Variants in SGCZ observed in about 807,000 individuals in gnomAD.
SGCZ encodes sarcoglycan zeta, also known as zeta-sarcoglycan.
In SGCZ, 40 loss-of-function variants were observed where a neutral mutation model predicts 41.3. The observed-to-expected ratio is 0.97, with a 90% CI of 0.75 to 1.26. The LOEUF (loss-of-function observed/expected upper bound fraction) is 1.26. Ranked by LOEUF, SGCZ falls within the 50% of genes most tolerant of loss-of-function variation. The pLI is 0.00. For synonymous variants in SGCZ, 206 were observed against 137.5 expected (o/e 1.50, Z -3.49); for missense variants, 552 against 369.8 (o/e 1.49, Z -4.04).
At chr8:15,159,651 T>A (rs951089786) in intron 1 of SGCZ, among the ~76,000 whole-genome samples, 1 of 152,066 alleles carries the variant, frequency 6.6e-6, no homozygotes, top group African/African-American at 2.4e-5. Context: ...CTGTTGACTG[T>A]TTTTGTGAGT....
At chr8:15,080,795 T>G (rs1805716816) in intron 1 of SGCZ, among the ~76,000 whole-genome samples, 1 of 152,096 alleles carries the variant, frequency 6.6e-6, no homozygotes, top group African/African-American at 2.4e-5. Context: ...GGTTTCACCA[T>G]GTTGGCCAGG....
chr8:15,153,622 G>A (rs369048144), intron 1 of SGCZ, among the ~76,000 whole-genome samples: 4 of 151,866 alleles, frequency 2.6e-5, no homozygotes, highest in Non-Finnish European at 5.9e-5. Context: ...GTGAGCTCTC[G>A]CTCTGAGTTC....
intron 1 of SGCZ, among the ~76,000 whole-genome samples, chr8:15,171,240 A>G (rs970505962): frequency 1.3e-5 from 2 of 152,216 alleles, no homozygotes; most frequent in East Asian, 1.9e-4. Context: ...TCATCGAAGT[A>G]TATTTTAAAA....
Position 14,919,029 on chromosome 8 carries a change from C to T in SGCZ, c.39+318556G>A, listed in dbSNP as rs150904766. 1.0e-3 allele frequency among the ~76,000 whole-genome samples: 155 copies of T among 152,290 alleles called. 1 individual carries two copies. Among genetic ancestry groups the T allele is most frequent in the African/African-American group, 3.5e-3 (144 of 41,558 alleles). The stretch of plus-strand genomic sequence containing the variant: ...CTTGGATAAGACTTTACCCTTTTAT[C>T]ATGTCAGTGGAGATAATAGCAATAC... On this transcript the variant is annotated intron_variant, in intron 1 of 7. Coordinates refer to ENST00000382080, the MANE Select transcript of SGCZ (RefSeq NM_139167.4).
chr8:14,088,927 T>G lies in SGCZ; in HGVS notation c.*1516A>C, dbSNP rs960234229. Among the ~76,000 whole-genome samples, 2 of 151,958 alleles carry G rather than the reference T, an allele frequency of 1.3e-5. No individual in the cohort carries two copies. The highest frequency in any genetic ancestry group is 4.8e-5 in the African/African-American group (2 of 41,422). ...AGCCATTAATCCCCAAAAGGAAGTTTCAACACAAATGTTGATAGTGTGCAT... is the reference window on the plus strand; with the variant it reads ...AGCCATTAATCCCCAAAAGGAAGTTGCAACACAAATGTTGATAGTGTGCAT... On this transcript the variant is annotated 3_prime_UTR_variant, in exon 8 of 8. Transcript: ENST00000382080.
intron 1 of SGCZ, among the ~76,000 whole-genome samples, chr8:14,579,505 T>C (rs927602851): frequency 5.3e-5 from 8 of 152,238 alleles, no homozygotes; most frequent in Non-Finnish European, 1.5e-5. Flanking sequence ...ACTGAATGAC[T>C]TCCCTGATTC....
intron 1 of SGCZ, among the ~76,000 whole-genome samples, chr8:14,824,643 C>T (rs1301085874): frequency 2.0e-5 from 3 of 151,940 alleles, no homozygotes; most frequent in Admixed American, 1.3e-4. Flanking sequence ...TCCTGCTTGA[C>T]TAACAAAATC....
chr8:15,113,378 C>T (rs1000680691), intron 1 of SGCZ, among the ~76,000 whole-genome samples: 5 of 152,092 alleles, frequency 3.3e-5, no homozygotes, highest in African/African-American at 7.2e-5. Context: ...TTCTCTCAGA[C>T]GAACCAGATT....
At chr8:14,235,010 C>T (rs528898800) in intron 4 of SGCZ, among the ~76,000 whole-genome samples, 1 of 152,148 alleles carries the variant, frequency 6.6e-6, no homozygotes, top group African/African-American at 2.4e-5. Context: ...TAATTACACT[C>T]ACCATCATCA....
At chr8:14,356,390 T>C (rs1449176219) in intron 2 of SGCZ, among the ~76,000 whole-genome samples, 2 of 152,038 alleles carry the variant, frequency 1.3e-5, no homozygotes, top group African/African-American at 4.8e-5. Context: ...CTACCAAAAA[T>C]TCCTACATGC....
At chr8:15,188,106 G>C (rs268350) in intron 1 of SGCZ, among the ~76,000 whole-genome samples, 137,127 of 152,034 alleles carry the variant, frequency 0.9, 61,851 homozygotes, top group East Asian at 0.92. Flanking sequence ...TCTCCATTTT[G>C]CAATGGATTC....
chr8:14,924,537 CAA>C (rs35705220), intron 1 of SGCZ, among the ~76,000 whole-genome samples: 18 of 147,836 alleles, frequency 1.2e-4, no homozygotes, highest in African/African-American at 3.5e-4. Context: ...TGAATAAGTA[CAA>C]AAAAAAAAGC....
intron 1 of SGCZ, among the ~76,000 whole-genome samples, chr8:15,033,593 G>A (rs1447696678): frequency 3.3e-5 from 5 of 152,068 alleles, no homozygotes. Context: ...CGAGTCCTAT[G>A]GACTCAAGCT....
intron 1 of SGCZ, among the ~76,000 whole-genome samples, chr8:14,790,760 T>A (rs917000553): frequency 6.6e-6 from 1 of 152,088 alleles, no homozygotes; most frequent in Non-Finnish European, 1.5e-5. Context: ...GCCAGGAACG[T>A]TGGCTATCGC....
chr8:14,692,117 G>T (rs969767367), intron 1 of SGCZ, among the ~76,000 whole-genome samples: 1 of 151,622 alleles, frequency 6.6e-6, no homozygotes, highest in East Asian at 1.9e-4. Flanking sequence ...CTATAATTAA[G>T]AAAAATAAAA....
chr8:14,417,009 G>C (rs899679017), intron 2 of SGCZ, among the ~76,000 whole-genome samples: 4 of 151,800 alleles, frequency 2.6e-5, no homozygotes, highest in African/African-American at 7.2e-5. Context: ...TGTTATCTTT[G>C]ATACTTCTTC....
chr8:14,114,885 G>A (rs184046322), intron 5 of SGCZ, among the ~76,000 whole-genome samples: 1 of 151,648 alleles, frequency 6.6e-6, no homozygotes, highest in Non-Finnish European at 1.5e-5. Flanking sequence ...ATTCCTTTTA[G>A]TCAACAATAA....
chr8:14,576,669 A>G (rs1343528241), intron 1 of SGCZ, among the ~76,000 whole-genome samples: 3 of 152,172 alleles, frequency 2.0e-5, no homozygotes, highest in Non-Finnish European at 4.4e-5. Context: ...TGCTCTTTAG[A>G]ATCTTTTTAA....
intron 3 of SGCZ, among the ~76,000 whole-genome samples, chr8:14,273,701 T>C (rs1225939067): frequency 1.3e-5 from 2 of 152,138 alleles, no homozygotes; most frequent in Non-Finnish European, 2.9e-5. Context: ...TTGGGTAAAC[T>C]CTTTCAATAT....
Sources: gnomAD v4.1 joint callset for allele counts (sites outside exome capture counted in the v4.1 genomes callset) on GRCh38, gnomAD v4.1.1 for gene constraint, MANE v1.5 for transcripts, NCBI Gene and HGNC (gene_info 2026-07-23, HGNC 2026-07-21) for gene names.